The following LDLRAD4 variants were observed in gnomAD, a reference collection of about 807,000 sequenced individuals.
LDLRAD4 encodes the protein low-density lipoprotein receptor class A domain-containing protein 4.
In LDLRAD4, 5 loss-of-function variants were observed where a neutral mutation model predicts 17.0. The ratio of observed to expected loss-of-function variants is 0.29; its 90% CI spans 0.15 to 0.62. The LOEUF is 0.62. Ranked by LOEUF, LDLRAD4 falls within the 20% of genes least tolerant of loss-of-function variation. LDLRAD4 has a pLI of 0.84. For missense variants in LDLRAD4, 340 were observed against 424.7 expected (o/e 0.80, Z 1.75); for synonymous variants, 168 against 171.8 (o/e 0.98, Z 0.17).
chr18:13,520,352 C>T (rs941961762), intron 3 of LDLRAD4: 1 of 152,184 alleles, frequency 6.6e-6, no homozygotes, highest in African/African-American at 2.4e-5. Flanking sequence ...ACCCTAGACT[C>T]TAGGGTGATT....
intron 3 of LDLRAD4, among the ~76,000 whole-genome samples, chr18:13,463,146 G>A (rs1226539953): frequency 6.6e-6 from 1 of 152,200 alleles, no homozygotes; most frequent in African/African-American, 2.4e-5. Flanking sequence ...CGTGATGTGT[G>A]TGTGCACCTA....
intron 1 of LDLRAD4, among the ~76,000 whole-genome samples, chr18:13,312,481 G>C (rs547504280): frequency 5.9e-5 from 9 of 152,270 alleles, no homozygotes; most frequent in Non-Finnish European, 1.0e-4. Context: ...AGGCGCAGTG[G>C]CTCACACATC....
At chr18:13,332,985 T>C (rs376904256) in intron 1 of LDLRAD4, among the ~76,000 whole-genome samples, 1 of 152,212 alleles carries the variant, frequency 6.6e-6, no homozygotes, top group South Asian at 2.1e-4. Flanking sequence ...TTTTTAAGAA[T>C]CTGTCAAACT....
In LDLRAD4 at chr18:13,390,933, C is replaced by T. The variant is rs551711862; in HGVS notation, c.40+3171C>T. Among the ~76,000 whole-genome samples the T allele has an allele frequency of 6.6e-5, 10 of 152,302 alleles. No individual in the cohort carries two copies. In the East Asian group the frequency reaches 1.9e-3, roughly 29 times the overall value. On this transcript the variant is annotated intron_variant, in intron 2 of 5. Transcript: ENST00000359446. ...GTCTCCCTTCCCATCTGTCTGCCCA[C>T]ATAGTTTGCAAGAGTCCCTGTGATG... is the stretch of plus-strand genomic sequence containing the variant.
At chr18:13,276,297 C>T (rs1427746388), upstream of LDLRAD4, among the ~76,000 whole-genome samples, 4 of 152,162 alleles carry the variant, frequency 2.6e-5, no homozygotes, top group East Asian at 1.9e-4. Context: ...CATGAGCCAC[C>T]GTACCTGGCC....
chr18:13,619,664 A>G (rs951385092), intron 3 of LDLRAD4, among the ~76,000 whole-genome samples: 1 of 152,162 alleles, frequency 6.6e-6, no homozygotes, highest in Admixed American at 6.5e-5. Context: ...GGGGAACCCA[A>G]GAGCAACAGC....
chr18:13,307,810 G>T (rs774166867), intron 1 of LDLRAD4, among the ~76,000 whole-genome samples: 2 of 152,190 alleles, frequency 1.3e-5, no homozygotes, highest in Admixed American at 6.5e-5. Flanking sequence ...CATTGAAAAT[G>T]TGTGTTAATT....
At chr18:13,348,873 G>A (rs373807770) in intron 1 of LDLRAD4, among the ~76,000 whole-genome samples, 1 of 152,188 alleles carries the variant, frequency 6.6e-6, no homozygotes, top group Non-Finnish European at 1.5e-5. Flanking sequence ...CTCCGAGCCA[G>A]GCACGGGATA....
At chr18:13,431,947 G>A (rs550475271) in intron 2 of LDLRAD4, among the ~76,000 whole-genome samples, 5 of 152,336 alleles carry the variant, frequency 3.3e-5, no homozygotes, top group African/African-American at 1.2e-4. Context: ...AGTGAGGTCA[G>A]AGCGTCACCA....
chr18:13,473,674 TATATAA>T (rs1359161579), intron 3 of LDLRAD4, among the ~76,000 whole-genome samples: 1 of 108,292 alleles, frequency 9.2e-6, no homozygotes, highest in African/African-American at 4.1e-5. Flanking sequence ...TATATATATA[TATATAA>T]CGTTTACATT....
intron 3 of LDLRAD4, among the ~76,000 whole-genome samples, chr18:13,507,144 T>A (rs1009267291): frequency 1.3e-5 from 2 of 152,216 alleles, no homozygotes; most frequent in African/African-American, 4.8e-5. Context: ...TGATCTTTTT[T>A]AAAATTCTTT....
At chr18:13,612,711 A>G (rs2039708649) in intron 3 of LDLRAD4, 4 of 1,613,876 alleles carry the variant, frequency 2.5e-6, no homozygotes, top group Non-Finnish European at 3.4e-6. Flanking sequence ...GATTATGTCC[A>G]GTGACCACCT....
chr18:13,254,842 T>C (rs8092912), intron 1 of LDLRAD4, among the ~76,000 whole-genome samples: 3,684 of 152,262 alleles, frequency 0.024, 114 homozygotes, highest in African/African-American at 0.084. Context: ...CACTTGCCTG[T>C]GGTCCCAGCA....
At chr18:13,246,906 CCT>C (rs1035622914) in intron 1 of LDLRAD4, among the ~76,000 whole-genome samples, 9 of 151,406 alleles carry the variant, frequency 5.9e-5, no homozygotes, top group African/African-American at 2.2e-4. Context: ...TAATTTTGTT[CCT>C]GAAAATCTGC....
At chr18:13,356,759 A>T (rs757722637) in intron 1 of LDLRAD4, among the ~76,000 whole-genome samples, 1 of 152,186 alleles carries the variant, frequency 6.6e-6, no homozygotes, top group Non-Finnish European at 1.5e-5. Flanking sequence ...GAAATTTATA[A>T]TAATGACTTT....
intron 1 of LDLRAD4, among the ~76,000 whole-genome samples, chr18:13,356,364 G>C (rs1018422233): frequency 6.6e-6 from 1 of 152,144 alleles, no homozygotes; most frequent in Non-Finnish European, 1.5e-5. Flanking sequence ...AAAGGACCCG[G>C]GTAAATGCAT....
At chr18:13,570,133 A>G (rs1452894663) in intron 3 of LDLRAD4, among the ~76,000 whole-genome samples, 1 of 152,210 alleles carries the variant, frequency 6.6e-6, no homozygotes, top group Non-Finnish European at 1.5e-5. Context: ...CAAAGCAAAG[A>G]TAAAAGGTAG....
chr18:13,553,965 G>A (rs989925800), intron 3 of LDLRAD4, among the ~76,000 whole-genome samples: 7 of 152,274 alleles, frequency 4.6e-5, no homozygotes, highest in East Asian at 1.9e-4. Context: ...GGCTCTCTGA[G>A]TGTCTCTGTG....
chr18:13,415,690 C>G (rs566920915), intron 2 of LDLRAD4, among the ~76,000 whole-genome samples: 12 of 152,330 alleles, frequency 7.9e-5, no homozygotes, highest in African/African-American at 2.9e-4. Flanking sequence ...AGGACGGTCC[C>G]TTGCAAACCC....
Sources: gnomAD v4.1 joint callset for allele counts (sites outside exome capture counted in the v4.1 genomes callset) on GRCh38, gnomAD v4.1.1 for gene constraint, MANE v1.5 for transcripts, NCBI Gene and HGNC (gene_info 2026-07-23, HGNC 2026-07-21) for gene names.